The following LIMCH1 variants were observed in gnomAD, a reference collection of about 807,000 sequenced individuals.
LIMCH1 encodes the protein LIM and calponin homology domains 1, also known as LIM and calponin homology domains-containing protein 1.
In LIMCH1, 113 loss-of-function variants were observed where a neutral mutation model predicts 176.5. The ratio of observed to expected loss-of-function variants is 0.64; its 90% CI spans 0.55 to 0.75. LIMCH1 has a LOEUF of 0.75. LIMCH1 is among the 30% of genes least tolerant of loss of function. The pLI is 0.00. For synonymous variants in LIMCH1, 619 were observed against 645.9 expected, an observed-to-expected ratio of 0.96 and a Z score of 0.63; for missense variants, 1,674 against 1,814.9, an observed-to-expected ratio of 0.92 and a Z score of 1.41.
chr4:41,507,159 G>A (rs1431387342), intron 2 of LIMCH1, among the ~76,000 whole-genome samples: 2 of 152,200 alleles, frequency 1.3e-5, no homozygotes, highest in Non-Finnish European at 2.9e-5. Flanking sequence ...AAGGCGTGGG[G>A]CCAAGGGAAT....
chr4:41,558,931 G>C (rs1299386033), intron 1 of LIMCH1, among the ~76,000 whole-genome samples: 2 of 152,088 alleles, frequency 1.3e-5, no homozygotes, highest in Non-Finnish European at 2.9e-5. Flanking sequence ...TTCACCATCT[G>C]AGATTATGAT....
intron 1 of LIMCH1, among the ~76,000 whole-genome samples, chr4:41,555,672 T>C (rs555668530): frequency 6.6e-6 from 1 of 152,316 alleles, no homozygotes; most frequent in South Asian, 2.1e-4. Flanking sequence ...AGAATTTTTT[T>C]TTCTTATATG....
intron 7 of LIMCH1, among the ~76,000 whole-genome samples, chr4:41,623,736 G>C (rs1051342272): frequency 1.3e-5 from 2 of 152,170 alleles, no homozygotes; most frequent in African/African-American, 4.8e-5. Context: ...ACTCCAGCCT[G>C]GGCAACAGAG....
chr4:41,669,318 G>A (rs1244717870), intron 21 of LIMCH1, among the ~76,000 whole-genome samples: 1 of 152,214 alleles, frequency 6.6e-6, no homozygotes, highest in African/African-American at 2.4e-5. Flanking sequence ...ATGTATTCTA[G>A]TAATTGTAGA....
chr4:41,414,292 G>A lies in LIMCH1; in HGVS notation c.96+53356G>A, dbSNP rs112230714. On this transcript the variant is annotated intron_variant, in intron 1 of 26. Transcript: ENST00000313860. ...CTAGACGTAGCCGAGTTCTTAGCAT[G>A]AGAGAAGGGGGTTGAGAGGGAGAGA... Among the ~76,000 whole-genome samples, 5 of 152,244 alleles carry A rather than the reference G, an allele frequency of 3.3e-5. No individual in the cohort carries two copies. The South Asian group carries it at 1.0e-3, about 32-fold the overall frequency.
chr4:41,440,509 A>G (rs1347309595), intron 1 of LIMCH1, among the ~76,000 whole-genome samples: 1 of 152,132 alleles, frequency 6.6e-6, no homozygotes. Context: ...TATAAAATAC[A>G]GAAAAAATAC....
chr4:41,405,100 G>A (rs551512271), intron 1 of LIMCH1, among the ~76,000 whole-genome samples: 1 of 152,112 alleles, frequency 6.6e-6, no homozygotes, highest in Non-Finnish European at 1.5e-5. Flanking sequence ...TTCCTTCAGG[G>A]TGTGCACCTG....
At chr4:41,648,154 G>A (rs1434505592) in intron 17 of LIMCH1, among the ~76,000 whole-genome samples, 3 of 152,154 alleles carry the variant, frequency 2.0e-5, no homozygotes, top group African/African-American at 7.2e-5. Context: ...AATGGCTATG[G>A]TATTTCCTGA....
chr4:41,452,378 C>T (rs1039505671), intron 1 of LIMCH1, among the ~76,000 whole-genome samples: 5 of 152,178 alleles, frequency 3.3e-5, no homozygotes, highest in African/African-American at 9.7e-5. Context: ...CTGCCAATGG[C>T]CCCTAGAGCA....
chr4:41,644,218 T>C (rs945965815), intron 14 of LIMCH1, among the ~76,000 whole-genome samples: 2 of 152,214 alleles, frequency 1.3e-5, no homozygotes, highest in Admixed American at 6.5e-5. Flanking sequence ...AAACCTATTT[T>C]GGCACCTACA....
intron 2 of LIMCH1, among the ~76,000 whole-genome samples, chr4:41,518,809 C>T (rs1488459630): frequency 6.6e-6 from 1 of 152,124 alleles, no homozygotes; most frequent in Non-Finnish European, 1.5e-5. Context: ...GTTCAACTCC[C>T]ACTTATAAGT....
chr4:41,519,256 TG>T (rs1402301184), intron 2 of LIMCH1, among the ~76,000 whole-genome samples: 6 of 152,304 alleles, frequency 3.9e-5, no homozygotes, highest in African/African-American at 1.4e-4. Context: ...GGAGGAGACC[TG>T]GGGTCTTCCG....
At position 41,631,339 on chromosome 4, in the gene LIMCH1, G is replaced by A. The variant is rs1221870728; in HGVS notation, c.1463G>A (p.Gly488Asp). The A allele has an allele frequency of 9.1e-6, 14 of 1,536,218 alleles. No individual in the cohort carries two copies. The highest frequency in any genetic ancestry group is 2.0e-5 in the Admixed American group (1 of 51,000). ...DQQKWKRLSI[G>D]KAGPREDEEE... Reference sequence around the variant, plus strand: ...CAGAAATGGAAGCGGCTTAGCATTGGCAAGGCTGGGCCTAGAGAGGATGAA... The same window carrying A: ...CAGAAATGGAAGCGGCTTAGCATTGACAAGGCTGGGCCTAGAGAGGATGAA... Residue 488 changes from glycine to aspartate, a missense_variant, in exon 10 of 32, where the codon GGC (glycine) becomes GAC (aspartate). Transcript: ENST00000503057.
intron 1 of LIMCH1, among the ~76,000 whole-genome samples, chr4:41,375,829 T>C (rs537858578): frequency 6.6e-6 from 1 of 152,314 alleles, no homozygotes; most frequent in East Asian, 1.9e-4. Flanking sequence ...TAAAAACTGG[T>C]TGGGCAGCTT....
Position 41,492,326 on chromosome 4 carries a change from G to A in LIMCH1, c.97-2210G>A, listed in dbSNP as rs563145034. On this transcript the variant is annotated intron_variant, in intron 1 of 26. Transcript: ENST00000313860. The stretch of plus-strand genomic sequence containing the variant: ...CGAGGCAGGAGAATCACCGGAGCCC[G>A]AGGCAGGGAGGTTGCAGCGAGCCGA... 8.5e-5 allele frequency among the ~76,000 whole-genome samples: 13 copies of A among 152,172 alleles called. No individual in the cohort carries two copies. In the East Asian group the frequency reaches 2.3e-3, roughly 27 times the overall value.
chr4:41,625,149 G>T (rs2092858530), intron 7 of LIMCH1, among the ~76,000 whole-genome samples: 1 of 152,170 alleles, frequency 6.6e-6, no homozygotes, highest in South Asian at 2.1e-4. Context: ...CCTGAGTTCA[G>T]ATGGCTTGAG....
intron 1 of LIMCH1, among the ~76,000 whole-genome samples, chr4:41,585,890 G>A (rs2086363679): frequency 6.6e-6 from 1 of 152,162 alleles, no homozygotes; most frequent in African/African-American, 2.4e-5. Flanking sequence ...CATCCGAAAT[G>A]TTATACTCCC....
At chr4:41,661,162 GA>G (rs3217471) in intron 18 of LIMCH1, among the ~76,000 whole-genome samples, 11,229 of 152,238 alleles carry the variant, frequency 0.074, 504 homozygotes, top group South Asian at 0.14. Context: ...GGTGGTGAAA[GA>G]AAAGAAAATG....
At chr4:41,679,087 A>G (rs551709622) in intron 23 of LIMCH1, among the ~76,000 whole-genome samples, 1 of 152,320 alleles carries the variant, frequency 6.6e-6, no homozygotes, top group East Asian at 1.9e-4. Context: ...TGATGCCTGG[A>G]GGAAATCTCA....
Sources: gnomAD v4.1 joint callset for allele counts (sites outside exome capture counted in the v4.1 genomes callset) on GRCh38, gnomAD v4.1.1 for gene constraint, MANE v1.5 for transcripts, NCBI Gene and HGNC (gene_info 2026-07-23, HGNC 2026-07-21) for gene names.